FERMT2: variants seen among roughly 807,000 people sequenced by gnomAD.
FERMT2 encodes FERM domain containing kindlin 2.
In FERMT2, 15 loss-of-function variants were observed where a neutral mutation model predicts 82.7. The ratio of observed to expected loss-of-function variants is 0.18; its 90% CI spans 0.12 to 0.28. The LOEUF (loss-of-function observed/expected upper bound fraction) is 0.28, where lower values mean the gene tolerates loss of function less well. FERMT2 is among the 10% of genes least tolerant of loss of function. The pLI is 1.00. For missense variants in FERMT2, 645 were observed against 809.4 expected, an observed-to-expected ratio of 0.80 and a Z score of 2.46; for synonymous variants, 274 against 271.5, an observed-to-expected ratio of 1.01 and a Z score of -0.09.
chr14:52,943,279 CAAT>C (rs1262986444), intron 2 of FERMT2, among the ~76,000 whole-genome samples: 3 of 151,854 alleles, frequency 2.0e-5, no homozygotes, highest in Non-Finnish European at 2.9e-5. Flanking sequence ...AAAGGTTAAA[CAAT>C]GTCTTAAAAG....
intron 2 of FERMT2, among the ~76,000 whole-genome samples, chr14:52,941,335 G>A (rs1362720593): frequency 6.6e-6 from 1 of 152,056 alleles, no homozygotes; most frequent in Non-Finnish European, 1.5e-5. Context: ...TACTGTAAAA[G>A]TTTTCTATCT....
intron 3 of FERMT2, among the ~76,000 whole-genome samples, chr14:52,899,920 T>C (rs1355361564): frequency 6.6e-6 from 1 of 152,078 alleles, no homozygotes; most frequent in African/African-American, 2.4e-5. Context: ...GTAAACAAGA[T>C]TTATACCAAA....
chr14:52,884,699 C>T (rs1298058902), intron 4 of FERMT2, among the ~76,000 whole-genome samples: 1 of 151,786 alleles, frequency 6.6e-6, no homozygotes, highest in Non-Finnish European at 1.5e-5. Flanking sequence ...AATTGGTGTG[C>T]ACCTATTTTT....
intron 3 of FERMT2, among the ~76,000 whole-genome samples, chr14:52,903,320 T>C (rs79595478): frequency 0.052 from 7,859 of 152,144 alleles, 286 homozygotes; most frequent in Middle Eastern, 0.082. Context: ...GGAGGGCTGC[T>C]TGAGGTCAGG....
intron 2 of FERMT2, among the ~76,000 whole-genome samples, chr14:52,926,355 A>C (rs1488922296): frequency 6.6e-6 from 1 of 151,942 alleles, no homozygotes; most frequent in African/African-American, 2.4e-5. Flanking sequence ...CTAAATAAAC[A>C]TTTCTGATTT....
At chr14:52,891,666 G>T (rs1886940692) in intron 4 of FERMT2, among the ~76,000 whole-genome samples, 4 of 152,088 alleles carry the variant, frequency 2.6e-5, no homozygotes, top group Admixed American at 2.6e-4. Context: ...TTCATTATTA[G>T]TATCATCATC....
chr14:52,950,846 A>C, intron 1 of FERMT2, 75 bp downstream of exon 1: 1 of 290,000 alleles, frequency 3.4e-6, no homozygotes, highest in Non-Finnish European at 6.3e-6. Flanking sequence ...CGGCCCCGAG[A>C]CACAGCGCGG....
At chr14:52,859,046 G>A (rs956833590) in intron 14 of FERMT2, 3 of 158,462 alleles carry the variant, frequency 1.9e-5, no homozygotes, top group Non-Finnish European at 4.2e-5. Context: ...AATGATACTC[G>A]TATACTCCAA....
intron 2 of FERMT2, chr14:52,928,237 A>G: frequency 4.4e-6 from 1 of 224,804 alleles, no homozygotes; most frequent in Non-Finnish European, 9.7e-6. Context: ...CTAAGGCAAC[A>G]TGTCATTGTG....
intron 4 of FERMT2, among the ~76,000 whole-genome samples, chr14:52,892,220 C>T (rs1380341333): frequency 2.1e-5 from 3 of 144,732 alleles, no homozygotes; most frequent in East Asian, 4.2e-4. Context: ...TGGCTCACTG[C>T]AACCTCCGCC....
chr14:52,888,818 A>C (rs1332074460), intron 4 of FERMT2, among the ~76,000 whole-genome samples: 1 of 152,232 alleles, frequency 6.6e-6, no homozygotes, highest in Non-Finnish European at 1.5e-5. Context: ...CTACTCATGT[A>C]GAGTACAGTA....
Position 52,860,866 on chromosome 14 carries a change from T to C in FERMT2, c.1603-401A>G, listed in dbSNP as rs1400068613. The C allele has an allele frequency of 6.0e-6, 4 of 671,892 alleles. No homozygotes were observed. In the African/African-American group the frequency reaches 7.5e-5, roughly 13 times the overall value. 41.6% of individuals were successfully genotyped at this position (671,892 alleles called of 1,614,324 possible). ...AATACATGTTTCTAGCAGGAATATT[T>C]GTTAGCAGCTTTAAGGTACTTGAAA... On this transcript the variant is annotated intron_variant, in intron 12 of 14. Coordinates refer to ENST00000341590, the MANE Select transcript of FERMT2 (RefSeq NM_006832.3).
intron 3 of FERMT2, among the ~76,000 whole-genome samples, chr14:52,900,718 A>G (rs946450283): frequency 1.2e-4 from 18 of 151,966 alleles, no homozygotes; most frequent in African/African-American, 3.1e-4. Context: ...CACAGAAAAC[A>G]GATAGACTAC....
chr14:52,928,734 T>C (rs1005564323), intron 2 of FERMT2, among the ~76,000 whole-genome samples: 2 of 152,190 alleles, frequency 1.3e-5, no homozygotes, highest in African/African-American at 2.4e-5. Flanking sequence ...TAGACAACCA[T>C]GGATTCTACT....
At chr14:52,879,557 G>A (rs79407695) in intron 6 of FERMT2, among the ~76,000 whole-genome samples, 139 of 152,214 alleles carry the variant, frequency 9.1e-4, no homozygotes, top group Non-Finnish European at 1.5e-3. Context: ...CCTCACAAAT[G>A]TAACTATTCC....
chr14:52,903,121 A>G (rs1374758430), intron 3 of FERMT2, among the ~76,000 whole-genome samples: 1 of 152,086 alleles, frequency 6.6e-6, no homozygotes, highest in African/African-American at 2.4e-5. Flanking sequence ...GAATGAAAAT[A>G]AAACCCTAAC....
intron 4 of FERMT2, among the ~76,000 whole-genome samples, chr14:52,883,038 A>G (rs1886380304): frequency 6.6e-6 from 1 of 152,102 alleles, no homozygotes; most frequent in Non-Finnish European, 1.5e-5. Flanking sequence ...TCTCTACTAA[A>G]AACACAAAAA....
intron 1 of FERMT2, 154 bp from the exon 2 acceptor site, chr14:52,950,731 G>A: frequency 1.5e-6 from 1 of 674,488 alleles, no homozygotes; most frequent in Middle Eastern, 4.3e-4. Flanking sequence ...CCGGGGCTGC[G>A]GGAGGACCCT....
At position 52,875,276 on chromosome 14, in the gene FERMT2, C is replaced by A; in HGVS notation, c.1045G>T (p.Ala349Ser). 6.2e-7 allele frequency: 1 copy of A among 1,613,038 alleles called. No individual in the cohort carries two copies. Among genetic ancestry groups the A allele is most frequent in the Non-Finnish European group, 8.5e-7 (1 of 1,179,290 alleles). ...AGAGTAATCTCCAGGTCTGAAAGGGCAGCATCAACTTCATCAACTTCTTTG... is the reference window on the plus strand; with the variant it reads ...AGAGTAATCTCCAGGTCTGAAAGGGAAGCATCAACTTCATCAACTTCTTTG... ...SDKEVDEVDA[A>S]LSDLEITLEG... is the part of the protein sequence containing the mutation. Residue 349 changes from alanine to serine, a missense_variant, in exon 8 of 15, where the codon GCC (alanine) becomes TCC (serine). Ala to Ser is a moderately conservative substitution (Grantham distance 99, BLOSUM62 1). Transcript: ENST00000341590.
Sources: gnomAD v4.1 joint callset for allele counts (sites outside exome capture counted in the v4.1 genomes callset) on GRCh38, gnomAD v4.1.1 for gene constraint, MANE v1.5 for transcripts, NCBI Gene and HGNC (gene_info 2026-07-23, HGNC 2026-07-21) for gene names.